TNIK: variants seen among roughly 807,000 people sequenced by gnomAD.
The protein encoded by TNIK is TRAF2 and NCK-interacting protein kinase.
A neutral mutation model predicts 191.3 loss-of-function variants in TNIK; 49 were observed. The ratio of observed to expected loss-of-function variants is 0.26; its 90% confidence interval spans 0.20 to 0.32. The LOEUF is 0.32. Among genes scored for constraint, TNIK ranks in the 10% least tolerant of loss-of-function variants. TNIK has a pLI of 1.00. For missense variants in TNIK, 1,155 were observed against 1,702.3 expected (o/e 0.68, Z 5.66); for synonymous variants, 594 against 600.9 (o/e 0.99, Z 0.17).
chr3:171,078,954 T>C (rs1720337427), intron 28 of TNIK, among the ~76,000 whole-genome samples: 2 of 152,224 alleles, frequency 1.3e-5, no homozygotes, highest in Admixed American at 6.5e-5. Flanking sequence ...AGTGGCCTAA[T>C]TACTCAGAGG....
chr3:171,089,603 G>A (rs1229761086), intron 23 of TNIK, among the ~76,000 whole-genome samples: 1 of 152,166 alleles, frequency 6.6e-6, no homozygotes, highest in Non-Finnish European at 1.5e-5. Flanking sequence ...CCAGTAGTAT[G>A]CTCTGAATCT....
chr3:171,317,464 C>T (rs1026775560), intron 2 of TNIK, among the ~76,000 whole-genome samples: 2 of 152,036 alleles, frequency 1.3e-5, no homozygotes, highest in Admixed American at 6.6e-5. Flanking sequence ...CTTGGTGCCA[C>T]CAAAAGTCTT....
At chr3:171,139,649 G>A (rs1730536642) in intron 13 of TNIK, 93 bp from the exon 14 acceptor site, 3 of 1,251,794 alleles carry the variant, frequency 2.4e-6, no homozygotes, top group Non-Finnish European at 2.3e-6. Context: ...GCTAAGTAAA[G>A]TGTAGAAGGA....
At chr3:171,296,123 A>C (rs760187661) in intron 2 of TNIK, among the ~76,000 whole-genome samples, 2 of 152,182 alleles carry the variant, frequency 1.3e-5, no homozygotes, top group Non-Finnish European at 2.9e-5. Flanking sequence ...TCAACTCCTC[A>C]TATTTTGTCA....
At chr3:171,219,027 G>A (rs1577154659) in intron 3 of TNIK, among the ~76,000 whole-genome samples, 2 of 68,978 alleles carry the variant, frequency 2.9e-5, no homozygotes, top group Admixed American at 1.6e-4. Flanking sequence ...CTATATTAGT[G>A]TATTAATTAT....
intron 2 of TNIK, among the ~76,000 whole-genome samples, chr3:171,286,515 A>C (rs1007141621): frequency 6.6e-6 from 1 of 152,160 alleles, no homozygotes; most frequent in Non-Finnish European, 1.5e-5. Flanking sequence ...CACACCTGTA[A>C]TCTCAGCTAC....
chr3:171,333,304 C>T (rs1214800240), intron 2 of TNIK, among the ~76,000 whole-genome samples: 4 of 151,816 alleles, frequency 2.6e-5, no homozygotes, highest in African/African-American at 9.7e-5. Flanking sequence ...ACCTATAATC[C>T]CAGCACTTTG....
intron 4 of TNIK, among the ~76,000 whole-genome samples, chr3:171,204,327 T>G (rs1739792211): frequency 3.3e-5 from 5 of 152,208 alleles, no homozygotes; most frequent in Admixed American, 3.3e-4. Context: ...ACAACAAGAC[T>G]GATAGGATTC....
chr3:171,117,609 C>T (rs956285287), intron 18 of TNIK, among the ~76,000 whole-genome samples: 1 of 152,008 alleles, frequency 6.6e-6, no homozygotes, highest in African/African-American at 2.4e-5. Flanking sequence ...CAGGCATTGC[C>T]CAATAACACT....
At chr3:171,402,273 T>C (rs573531979) in intron 1 of TNIK, among the ~76,000 whole-genome samples, 5 of 152,368 alleles carry the variant, frequency 3.3e-5, no homozygotes, top group African/African-American at 1.2e-4. Flanking sequence ...CCATTACTGC[T>C]GCCTCCATCC....
At chr3:171,278,273 G>A (rs746851242) in intron 2 of TNIK, among the ~76,000 whole-genome samples, 1 of 152,138 alleles carries the variant, frequency 6.6e-6, no homozygotes, top group African/African-American at 2.4e-5. Context: ...TCAGATGACA[G>A]TAAGAACCCA....
chr3:171,298,393 AAT>A (rs1200656372), intron 2 of TNIK, among the ~76,000 whole-genome samples: 1 of 152,230 alleles, frequency 6.6e-6, no homozygotes, highest in African/African-American at 2.4e-5. Flanking sequence ...ACTTTGGGGA[AAT>A]ATATGTCTGT....
At chr3:171,349,410 A>T (rs192449692) in intron 2 of TNIK, among the ~76,000 whole-genome samples, 18 of 152,344 alleles carry the variant, frequency 1.2e-4, no homozygotes, top group African/African-American at 4.3e-4. Flanking sequence ...CAGATGATTG[A>T]TAAAGATTCC....
intron 9 of TNIK, among the ~76,000 whole-genome samples, chr3:171,171,096 G>A (rs1304093431): frequency 1.3e-5 from 2 of 152,082 alleles, no homozygotes; most frequent in Non-Finnish European, 2.9e-5. Flanking sequence ...AGTAAACATA[G>A]AGTTCTTTAA....
In TNIK at chr3:171,102,841, G is replaced by A. The variant is rs147135482; in HGVS notation, c.2407-1208C>T. Reference sequence around the variant, plus strand: ...TGACATTGGGTAATCCATCCTAATCGGTTAAAAGAAAAGCTGTGATAAATG... The same window carrying A: ...TGACATTGGGTAATCCATCCTAATCAGTTAAAAGAAAAGCTGTGATAAATG... On this transcript the variant is annotated intron_variant, in intron 21 of 32. Transcript: ENST00000436636. Among the ~76,000 whole-genome samples the A allele has an allele frequency of 1.0e-3, 156 of 152,210 alleles. No homozygotes were observed. The Middle Eastern group carries it at 0.014, about 13-fold the overall frequency.
intron 1 of TNIK, among the ~76,000 whole-genome samples, chr3:171,436,197 G>A (rs1726014563): frequency 6.7e-6 from 1 of 149,838 alleles, no homozygotes; most frequent in Non-Finnish European, 1.5e-5. Flanking sequence ...CTGGTGCTCT[G>A]ACAATACTCT....
intron 2 of TNIK, among the ~76,000 whole-genome samples, chr3:171,298,001 A>G (rs920696530): frequency 4.6e-5 from 7 of 152,212 alleles, no homozygotes; most frequent in Non-Finnish European, 5.9e-5. Context: ...TCCTTACAAT[A>G]TAGATCTGGG....
intron 2 of TNIK, among the ~76,000 whole-genome samples, chr3:171,333,584 GAAAAAA>G (rs562856294): frequency 5.3e-5 from 6 of 114,264 alleles, no homozygotes; most frequent in South Asian, 3.1e-4. Flanking sequence ...CAAAAAGAAA[GAAAAAA>G]AAAAAAAAAA....
chr3:171,292,130 G>A (rs1269535235), intron 2 of TNIK, among the ~76,000 whole-genome samples: 1 of 151,920 alleles, frequency 6.6e-6, no homozygotes, highest in Non-Finnish European at 1.5e-5. Context: ...TCACTTATGT[G>A]TACAAGAATA....
Sources: allele counts gnomAD v4.1 joint callset (sites outside exome capture counted in the v4.1 genomes callset), GRCh38; gene constraint gnomAD v4.1.1; transcripts MANE v1.5; gene names NCBI Gene and HGNC (gene_info 2026-07-23, HGNC 2026-07-21).